SDK2: variants seen among roughly 807,000 people sequenced by gnomAD.
SDK2 encodes sidekick cell adhesion molecule 2.
Under a neutral mutation model 253.9 loss-of-function variants are expected in SDK2, and 105 were observed. The ratio of observed to expected loss-of-function variants is 0.41; its 90% confidence interval spans 0.35 to 0.49. The LOEUF is 0.49. Among genes scored for constraint, SDK2 ranks in the 20% least tolerant of loss-of-function variants. SDK2 has a pLI of 0.06. For missense variants in SDK2, 2,608 were observed against 3,003.0 expected (o/e 0.87, Z 3.07); for synonymous variants, 1,249 against 1,234.9 (o/e 1.01, Z -0.24).
intron 39 of SDK2, among the ~76,000 whole-genome samples, chr17:73,359,907 G>A (rs1042750128): frequency 6.6e-6 from 1 of 152,190 alleles, no homozygotes; most frequent in Non-Finnish European, 1.5e-5. Flanking sequence ...CTCCCAAAAT[G>A]TTGGGATTAC....
At chr17:73,559,605 G>C (rs58487277) in intron 1 of SDK2, among the ~76,000 whole-genome samples, 33,419 of 87,034 alleles carry the variant, frequency 0.38, 4,442 homozygotes, top group African/African-American at 0.55. Flanking sequence ...TGTGCCCCCC[G>C]CCCCCGCCAC....
intron 15 of SDK2, among the ~76,000 whole-genome samples, chr17:73,421,038 C>G (rs977734631): frequency 2.0e-5 from 3 of 152,236 alleles, no homozygotes; most frequent in South Asian, 4.1e-4. Context: ...TGATGCGGTG[C>G]AGCCGCAGGG....
intron 36 of SDK2, among the ~76,000 whole-genome samples, chr17:73,377,365 C>G (rs1353783524): frequency 6.7e-6 from 1 of 148,478 alleles, no homozygotes; most frequent in Non-Finnish European, 1.5e-5. Flanking sequence ...ATTACAGGCA[C>G]CCGCCACCAC....
At position 73,335,902 on chromosome 17, in the gene SDK2, C is replaced by G. The variant is rs1417205218; in HGVS notation, c.*2685G>C. 6.6e-6 allele frequency: 1 copy of G among 152,376 alleles called. No homozygotes were observed. The highest frequency in any genetic ancestry group is 1.5e-5 in the Non-Finnish European group (1 of 68,094). 9.4% of individuals were successfully genotyped at this position (152,376 alleles called of 1,614,324 possible). On this transcript the variant is annotated 3_prime_UTR_variant, in exon 45 of 45. Transcript: ENST00000392650. ...GTGTGTAAGCACAGGCGTGCATGGG[C>G]ACCATCCCGCATGTACACGTAGGTG...
At chr17:73,342,254 C>A (rs901119785) in intron 44 of SDK2, among the ~76,000 whole-genome samples, 10 of 152,176 alleles carry the variant, frequency 6.6e-5, no homozygotes, top group African/African-American at 2.2e-4. Context: ...ATCCTCTTGG[C>A]AGGCACAGCC....
At chr17:73,611,585 G>A (rs1405334363) in intron 1 of SDK2, among the ~76,000 whole-genome samples, 1 of 152,252 alleles carries the variant, frequency 6.6e-6, no homozygotes, top group Non-Finnish European at 1.5e-5. Flanking sequence ...GAATGAGCAC[G>A]GCCTCATGGA....
At chr17:73,617,937 C>T (rs935775438) in intron 1 of SDK2, among the ~76,000 whole-genome samples, 1 of 152,122 alleles carries the variant, frequency 6.6e-6, no homozygotes, top group African/African-American at 2.4e-5. Flanking sequence ...ATCTAAACGC[C>T]TTAAAACAAA....
chr17:73,615,939 A>C (rs1736847473), intron 1 of SDK2, among the ~76,000 whole-genome samples: 1 of 152,224 alleles, frequency 6.6e-6, no homozygotes, highest in Non-Finnish European at 1.5e-5. Context: ...ACAAATACAC[A>C]TGCATGTGAC....
intron 36 of SDK2, among the ~76,000 whole-genome samples, chr17:73,378,094 T>C (rs2062798527): frequency 6.6e-6 from 1 of 152,136 alleles, no homozygotes; most frequent in Non-Finnish European, 1.5e-5. Flanking sequence ...TCATCCTAAA[T>C]CTAGAAATGA....
rs565434960 is a variant in SDK2, at chr17:73,423,364, G to A, written c.1897+22C>T. The A allele has an allele frequency of 6.3e-6, 9 of 1,417,604 alleles. No homozygotes were observed. In the Middle Eastern group the frequency reaches 5.5e-4, roughly 86 times the overall value. 87.8% of individuals were successfully genotyped at this position (1,417,604 alleles called of 1,614,324 possible). Reference sequence around the variant, plus strand: ...GTCCAAGCTTGGGCGGGAGGTGTTGGAGGTGACCACGGGAAGCTTACTGTT... The same window carrying A: ...GTCCAAGCTTGGGCGGGAGGTGTTGAAGGTGACCACGGGAAGCTTACTGTT... On this transcript the variant is annotated intron_variant, in intron 14 of 44. Coordinates refer to ENST00000392650, the MANE Select transcript of SDK2 (RefSeq NM_001144952.2).
chr17:73,594,598 A>G (rs2045727484), intron 1 of SDK2, among the ~76,000 whole-genome samples: 1 of 151,798 alleles, frequency 6.6e-6, no homozygotes, highest in African/African-American at 2.4e-5. Flanking sequence ...GACAATGAAC[A>G]CACACACACA....
intron 1 of SDK2, among the ~76,000 whole-genome samples, chr17:73,628,278 T>C (rs2046227520): frequency 6.6e-6 from 1 of 152,342 alleles, no homozygotes; most frequent in Non-Finnish European, 1.5e-5. Flanking sequence ...ACACAGGCTC[T>C]GCGCCCAGTT....
intron 2 of SDK2, among the ~76,000 whole-genome samples, chr17:73,501,104 G>A (rs565102266): frequency 6.6e-6 from 1 of 152,174 alleles, no homozygotes; most frequent in Non-Finnish European, 1.5e-5. Flanking sequence ...AACACTAGAG[G>A]GCCTGACCTC....
At position 73,395,060 on chromosome 17, in the gene SDK2, A is replaced by G; in HGVS notation, c.3592+95T>C. ...AATGAGCTCAGGCTGTTTTTGAACAACACCTTCAGCCTGGCACGCGCTTGG... is the reference window on the plus strand; with the variant it reads ...AATGAGCTCAGGCTGTTTTTGAACAGCACCTTCAGCCTGGCACGCGCTTGG... On this transcript the variant is annotated intron_variant, in intron 25 of 44. Transcript: ENST00000392650. This position sits in a 1 kb window ranked among gnomAD's most constrained non-coding sequence, Gnocchi z 4.3. 2.1e-6 allele frequency: 2 copies of G among 943,660 alleles called. No individual in the cohort carries two copies. Among genetic ancestry groups the G allele is most frequent in the Non-Finnish European group, 3.2e-6 (2 of 632,644 alleles). The allele number at this position is 943,660 out of a possible 1,614,324, so 58.5% of individuals were successfully genotyped here. A position where few individuals can be genotyped will look rare whatever the true frequency, so the allele number is the denominator to read the frequency against.
intron 38 of SDK2, among the ~76,000 whole-genome samples, 175 bp downstream of exon 38, chr17:73,365,083 G>A (rs1404822661): frequency 6.6e-6 from 1 of 152,210 alleles, no homozygotes; most frequent in East Asian, 1.9e-4. Context: ...TCAACTTGCT[G>A]TTGTTTTACC....
intron 38 of SDK2, among the ~76,000 whole-genome samples, chr17:73,364,953 C>T (rs538470739): frequency 3.9e-4 from 60 of 152,276 alleles, no homozygotes; most frequent in African/African-American, 1.4e-3. Context: ...CAACAGAGCC[C>T]TGTCCACTCA....
rs1257195434 is a variant in SDK2 at position 73,612,640 on chromosome 17, C to T, written c.64+31385G>A. ...AATAATAATAATAGTAACAGTAGGC[C>T]AGGCGAGGTGGCTCACACCTGTAAT... On this transcript the variant is annotated intron_variant, in intron 1 of 44. Transcript: ENST00000392650. This position sits in a 1 kb window ranked among gnomAD's most constrained non-coding sequence, Gnocchi z 4.4. Among the ~76,000 whole-genome samples, 1 of 152,090 alleles carries T rather than the reference C, an allele frequency of 6.6e-6. No homozygotes were observed. The highest frequency in any genetic ancestry group is 1.5e-5 in the Non-Finnish European group (1 of 68,014).
intron 17 of SDK2, among the ~76,000 whole-genome samples, chr17:73,415,262 G>C (rs915269632): frequency 6.6e-6 from 1 of 152,042 alleles, no homozygotes; most frequent in Non-Finnish European, 1.5e-5. Flanking sequence ...CTCGGGCCTG[G>C]ACAGGCACAG....
intron 12 of SDK2, among the ~76,000 whole-genome samples, chr17:73,428,070 C>A (rs1358377913): frequency 1.3e-5 from 2 of 152,126 alleles, no homozygotes; most frequent in African/African-American, 2.4e-5. Flanking sequence ...ACACAGAAGA[C>A]CAACAGGCAA....
Sources: allele counts gnomAD v4.1 joint callset (sites outside exome capture counted in the v4.1 genomes callset), GRCh38; gene constraint gnomAD v4.1.1; non-coding constraint Gnocchi (gnomAD v3.1); transcripts MANE v1.5; gene names NCBI Gene and HGNC (gene_info 2026-07-23, HGNC 2026-07-21).